Variants in SAMD4A observed in about 807,000 individuals in gnomAD.
SAMD4A encodes the protein protein Smaug homolog 1.
SAMD4A carries 33 observed loss-of-function variants against 81.3 expected under a neutral mutation model. The ratio of observed to expected loss-of-function variants is 0.41; its 90% CI spans 0.31 to 0.54. The LOEUF (loss-of-function observed/expected upper bound fraction) is 0.54. SAMD4A is among the 20% of genes least tolerant of loss of function. The probability of loss-of-function intolerance (pLI) is 0.37; values close to 1 mark genes in which losing one functional copy is unlikely to be tolerated. For synonymous variants in SAMD4A, 389 were observed against 382.1 expected (o/e 1.02, Z -0.21); for missense variants, 854 against 951.1 (o/e 0.90, Z 1.34).
At chr14:54,635,967 C>T (rs1566559752) in intron 2 of SAMD4A, among the ~76,000 whole-genome samples, 1 of 152,166 alleles carries the variant, frequency 6.6e-6, no homozygotes, top group East Asian at 1.9e-4. Flanking sequence ...TCCTTTCCCT[C>T]GTGGAGCTTA....
chr14:54,577,695 C>T (rs113078341), intron 2 of SAMD4A, among the ~76,000 whole-genome samples: 58 of 152,320 alleles, frequency 3.8e-4, no homozygotes, highest in African/African-American at 1.4e-3. Flanking sequence ...CTACCAGTCG[C>T]ACTCTCCCTG....
rs1207970819 is a variant in SAMD4A at position 54,567,209 on chromosome 14, C to T, written c.-551C>T. On this transcript the variant is annotated 5_prime_UTR_variant, in exon 1 of 13. Transcript: ENST00000554335. ...TTAAGCACGGCGCCCGAGGCCACCC[C>T]AGGCGGGCCGTGAGGGGAGCACCAG... 1 of 152,256 alleles carries T rather than the reference C, an allele frequency of 6.6e-6. No individual in the cohort carries two copies. Among genetic ancestry groups the T allele is most frequent in the East Asian group, 1.9e-4 (1 of 5,198 alleles). 9.4% of individuals were successfully genotyped at this position (152,256 alleles called of 1,614,324 possible).
chr14:54,710,856 C>T (rs1200164421), intron 3 of SAMD4A, among the ~76,000 whole-genome samples: 2 of 152,178 alleles, frequency 1.3e-5, no homozygotes, highest in Non-Finnish European at 2.9e-5. Context: ...TCCGTATTTC[C>T]CAGCACCTGG....
chr14:54,642,873 C>T (rs1374078336), intron 2 of SAMD4A, among the ~76,000 whole-genome samples: 1 of 152,218 alleles, frequency 6.6e-6, no homozygotes, highest in Non-Finnish European at 1.5e-5. Flanking sequence ...AGCTGCGTTA[C>T]ACAGTGTCAC....
chr14:54,632,196 A>T (rs1264336218), intron 2 of SAMD4A, among the ~76,000 whole-genome samples: 1 of 152,194 alleles, frequency 6.6e-6, no homozygotes, highest in African/African-American at 2.4e-5. Flanking sequence ...GCACTAATAA[A>T]CAAACCACTT....
intron 2 of SAMD4A, among the ~76,000 whole-genome samples, chr14:54,578,492 C>G (rs753156878): frequency 5.9e-5 from 9 of 152,022 alleles, no homozygotes; most frequent in Admixed American, 3.9e-4. Flanking sequence ...GGGCGGATCA[C>G]TTGAGGTCAG....
chr14:54,682,881 G>T lies in SAMD4A; in HGVS notation c.197-19181G>T, dbSNP rs544533921. 1.6e-4 allele frequency among the ~76,000 whole-genome samples: 24 copies of T among 152,304 alleles called. 2 individuals are homozygous for T. In the South Asian group the frequency reaches 5.0e-3, roughly 32 times the overall value. On this transcript the variant is annotated intron_variant, in intron 2 of 12. Transcript: ENST00000554335. ...GAAAGAAAGGAAATGAATGAACAAG[G>T]ATAAACATGGGTTTTGGTATTGCTG... is the stretch of plus-strand genomic sequence containing the variant.
rs1239184325 is a variant in SAMD4A at position 54,788,956 on chromosome 14, G to A, written c.*12G>A. 6.8e-6 allele frequency: 11 copies of A among 1,613,950 alleles called. No homozygotes were observed. Among genetic ancestry groups the A allele is most frequent in the Admixed American group, 1.7e-5 (1 of 60,006 alleles). ...CCTCCACCATCTAGAAGCTGAAGAC[G>A]AGAGTGACCGCGCTGGCCGTGAAAT... On this transcript the variant is annotated 3_prime_UTR_variant, in exon 13 of 13. Transcript: ENST00000554335.
At position 54,789,275 on chromosome 14, in the gene SAMD4A, G is replaced by A. The variant is rs2039218361; in HGVS notation, c.*331G>A. The stretch of plus-strand genomic sequence containing the variant: ...GAACGGGGACAGGGGAAAGAGTACT[G>A]CCATGAAAGAGATAGGAGACACATA... On this transcript the variant is annotated 3_prime_UTR_variant, in exon 13 of 13. Coordinates refer to ENST00000554335, the MANE Select transcript of SAMD4A (RefSeq NM_015589.6). The A allele has an allele frequency of 4.9e-6, 2 of 409,220 alleles. No homozygotes were observed. The highest frequency in any genetic ancestry group is 9.0e-6 in the Non-Finnish European group (2 of 223,074). 25.3% of individuals were successfully genotyped at this position (409,220 alleles called of 1,614,324 possible). A position where few individuals can be genotyped will look rare whatever the true frequency, so the allele number is the denominator to read the frequency against.
intron 2 of SAMD4A, among the ~76,000 whole-genome samples, chr14:54,626,064 G>GCGCA (rs2034752307): frequency 1.1e-5 from 1 of 92,910 alleles, no homozygotes; most frequent in East Asian, 2.2e-4. Context: ...GTGTGTGCGC[G>GCGCA]CGCGCGCGCG....
chr14:54,778,720 C>T (rs767357331), intron 11 of SAMD4A, among the ~76,000 whole-genome samples: 7 of 152,150 alleles, frequency 4.6e-5, no homozygotes, highest in Non-Finnish European at 7.3e-5. Context: ...GGAAAAAGCC[C>T]GCTCTAAATT....
At chr14:54,677,858 T>C (rs2036025565) in intron 2 of SAMD4A, among the ~76,000 whole-genome samples, 3 of 152,248 alleles carry the variant, frequency 2.0e-5, no homozygotes. Flanking sequence ...ATTGAATTAG[T>C]CTTTTGGGGT....
chr14:54,764,449 T>C lies in SAMD4A; in HGVS notation c.1511-6T>C, dbSNP rs75839195. On this transcript the variant is annotated splice_region_variant and splice_polypyrimidine_tract_variant and intron_variant, in intron 7 of 12. Coordinates refer to ENST00000554335, the MANE Select transcript of SAMD4A (RefSeq NM_015589.6). ...TTTCTAATTCATCTTTTCTTTTTAA[T>C]TACAGTGTGCACACAGCTCTTGGTC... is the stretch of plus-strand genomic sequence containing the variant. The C allele has an allele frequency of 2.3e-3, 3,717 of 1,584,078 alleles. 80 individuals carry two copies. In the African/African-American group the frequency reaches 0.044, roughly 19 times the overall value.
intron 2 of SAMD4A, among the ~76,000 whole-genome samples, chr14:54,616,301 G>A (rs781071667): frequency 2.6e-5 from 4 of 152,046 alleles, no homozygotes; most frequent in Non-Finnish European, 5.9e-5. Context: ...TTGAATTATG[G>A]GACAATGCCT....
chr14:54,624,845 T>C (rs866697372), intron 2 of SAMD4A, among the ~76,000 whole-genome samples: 1 of 152,118 alleles, frequency 6.6e-6, no homozygotes, highest in Non-Finnish European at 1.5e-5. Context: ...AGCACGGATA[T>C]ACAGTTTTTG....
At chr14:54,583,441 T>C (rs994820617) in intron 2 of SAMD4A, among the ~76,000 whole-genome samples, 9 of 152,148 alleles carry the variant, frequency 5.9e-5, no homozygotes, top group Non-Finnish European at 1.3e-4. Flanking sequence ...TCATCTGTTA[T>C]GTGGAATGAA....
rs530326976 is a variant in SAMD4A at position 54,725,146 on chromosome 14, G to T, written c.716-11878G>T. Among the ~76,000 whole-genome samples, 7 of 152,274 alleles carry T rather than the reference G, an allele frequency of 4.6e-5. No homozygotes were observed. The South Asian group carries it at 1.5e-3, about 32-fold the overall frequency. ...GAGGAACCCAATGTTACCCAGACAC[G>T]TAATAGGTTCTCAGCCTGAATTTCT... On this transcript the variant is annotated intron_variant, in intron 3 of 12. Coordinates refer to ENST00000554335, the MANE Select transcript of SAMD4A (RefSeq NM_015589.6).
chr14:54,706,560 G>A (rs1222828145), intron 3 of SAMD4A, among the ~76,000 whole-genome samples: 3 of 151,434 alleles, frequency 2.0e-5, no homozygotes, highest in Non-Finnish European at 4.4e-5. Flanking sequence ...AGCCGAGGTG[G>A]TGCCACTGTA....
At position 54,748,921 on chromosome 14, in the gene SAMD4A, G is replaced by A. The variant is rs372003910; in HGVS notation, c.1086G>A (p.Ala362=). 1.4e-5 allele frequency: 21 copies of A among 1,549,774 alleles called. No homozygotes were observed. Among genetic ancestry groups the A allele is most frequent in the African/African-American group, 1.1e-4 (8 of 73,046 alleles). The change falls in exon 5 of 13, where the codon GCG becomes GCA. Residue 362 remains alanine, a synonymous_variant. Transcript: ENST00000554335. ...MMALTECQLE[A]QNVTKGARHK... is the part of the protein sequence containing the mutation. ...CCCTCACCGAGTGCCAGCTGGAGGC[G>A]CAGGTATGTGCTTGAGGTGACTGTT... is the stretch of plus-strand genomic sequence containing the variant.
Sources: gnomAD v4.1 joint callset for allele counts (sites outside exome capture counted in the v4.1 genomes callset) on GRCh38, gnomAD v4.1.1 for gene constraint, MANE v1.5 for transcripts, NCBI Gene and HGNC (gene_info 2026-07-23, HGNC 2026-07-21) for gene names.